STK32B: variants seen among roughly 807,000 people sequenced by gnomAD.
STK32B encodes the protein serine/threonine-protein kinase 32B.
Under a neutral mutation model 52.6 loss-of-function variants are expected in STK32B, and 43 were observed. The observed-to-expected ratio is 0.82, with a 90% CI of 0.64 to 1.05. The LOEUF (loss-of-function observed/expected upper bound fraction) is 1.05. STK32B is among the 50% of genes least tolerant of loss of function. The pLI is 0.00. For missense variants in STK32B, 621 were observed against 534.6 expected, an observed-to-expected ratio of 1.16 and a Z score of -1.59; for synonymous variants, 238 against 204.3, an observed-to-expected ratio of 1.17 and a Z score of -1.41.
intron 5 of STK32B, among the ~76,000 whole-genome samples, chr4:5,408,400 C>G (rs1311937071): frequency 1.3e-5 from 2 of 152,106 alleles, no homozygotes; most frequent in African/African-American, 4.8e-5. Flanking sequence ...ATCCATGTGA[C>G]TTGTCTGCCT....
intron 4 of STK32B, among the ~76,000 whole-genome samples, chr4:5,376,477 A>G (rs1735595515): frequency 6.6e-6 from 1 of 151,756 alleles, no homozygotes; most frequent in South Asian, 2.1e-4. Flanking sequence ...CACCTGCCAG[A>G]CAGCAGGTTG....
At chr4:5,363,878 A>T (rs146567824) in intron 4 of STK32B, among the ~76,000 whole-genome samples, 20 of 152,276 alleles carry the variant, frequency 1.3e-4, no homozygotes, top group Admixed American at 7.2e-4. Flanking sequence ...TTAGTTACCG[A>T]GAAGGAAAAC....
chr4:5,454,462 C>T (rs984453867), intron 7 of STK32B, among the ~76,000 whole-genome samples: 2 of 151,960 alleles, frequency 1.3e-5, no homozygotes, highest in Non-Finnish European at 2.9e-5. Context: ...GCCATAAAGT[C>T]CCCCTTTTAT....
intron 1 of STK32B, among the ~76,000 whole-genome samples, chr4:5,090,540 T>A (rs1357904406): frequency 7.9e-5 from 12 of 152,090 alleles, no homozygotes; most frequent in Admixed American, 7.9e-4. Flanking sequence ...ATTTTTTGTA[T>A]TTTTAGTAGA....
chr4:5,161,746 C>G (rs930626), intron 2 of STK32B, among the ~76,000 whole-genome samples: 126,618 of 151,962 alleles, frequency 0.83, 52,971 homozygotes, highest in African/African-American at 0.9. Flanking sequence ...ATCCGCCAAA[C>G]ATAGTCTTCT....
chr4:5,250,479 A>G (rs1172439885), intron 3 of STK32B, among the ~76,000 whole-genome samples: 1 of 151,880 alleles, frequency 6.6e-6, no homozygotes, highest in Non-Finnish European at 1.5e-5. Context: ...CGCTTGGCTA[A>G]TTTTTGTAGT....
chr4:5,158,886 G>A (rs1048888677), intron 2 of STK32B, among the ~76,000 whole-genome samples: 2 of 152,074 alleles, frequency 1.3e-5, no homozygotes, highest in Non-Finnish European at 1.5e-5. Flanking sequence ...AAATACAGTC[G>A]CATCCTGAGG....
At chr4:5,043,745 A>T in the STK32B span, among the ~76,000 whole-genome samples, 1 of 152,210 alleles carries the variant, frequency 6.6e-6, no homozygotes, top group Non-Finnish European at 1.5e-5. Context: ...GTCGGTGCAC[A>T]CGGCATTTCT....
In STK32B at chr4:5,195,895, C is replaced by T. The variant is rs552208474; in HGVS notation, c.260+27445C>T. On this transcript the variant is annotated intron_variant, in intron 3 of 11. Transcript: ENST00000282908. ...ACTGGATTCTTAAAAGTTGTTATGA[C>T]CAGTGTAAGTAAAAAACAATCTTCA... 3.9e-5 allele frequency among the ~76,000 whole-genome samples: 6 copies of T among 152,286 alleles called. No homozygotes were observed. The South Asian group carries it at 1.2e-3, about 32-fold the overall frequency.
At chr4:5,326,062 T>C (rs1731854263) in intron 3 of STK32B, among the ~76,000 whole-genome samples, 1 of 152,224 alleles carries the variant, frequency 6.6e-6, no homozygotes, top group South Asian at 2.1e-4. Context: ...TTGATTTTCC[T>C]CTTTAGAATT....
chr4:5,158,945 A>T (rs1161736322), intron 2 of STK32B, among the ~76,000 whole-genome samples: 4 of 152,216 alleles, frequency 2.6e-5, no homozygotes, highest in African/African-American at 7.2e-5. Flanking sequence ...CATACAGCTT[A>T]GCCCATGGCA....
At chr4:5,461,832 C>A (rs756126243) in intron 9 of STK32B, among the ~76,000 whole-genome samples, 6 of 152,218 alleles carry the variant, frequency 3.9e-5, no homozygotes, top group Non-Finnish European at 7.3e-5. Flanking sequence ...ACCTGCCTAA[C>A]CTTAGGGAAT....
intron 3 of STK32B, among the ~76,000 whole-genome samples, chr4:5,207,488 C>A (rs1722645246): frequency 6.6e-6 from 1 of 152,090 alleles, no homozygotes; most frequent in Non-Finnish European, 1.5e-5. Context: ...GATTGTGAGG[C>A]CTCTCCAGCC....
At chr4:5,165,585 G>A (rs1346155020) in intron 2 of STK32B, among the ~76,000 whole-genome samples, 2 of 152,126 alleles carry the variant, frequency 1.3e-5, no homozygotes, top group Non-Finnish European at 2.9e-5. Flanking sequence ...CTGAGAAGGC[G>A]AATGAGAAGT....
chr4:5,179,889 G>A (rs915818027), intron 3 of STK32B, among the ~76,000 whole-genome samples: 10 of 152,206 alleles, frequency 6.6e-5, no homozygotes, highest in East Asian at 1.9e-4. Flanking sequence ...GCCCTGGCGG[G>A]TCCCATTTCT....
the STK32B span, among the ~76,000 whole-genome samples, chr4:5,043,124 A>C: frequency 5.9e-5 from 9 of 151,634 alleles, no homozygotes; most frequent in East Asian, 3.9e-4. Context: ...AAAAAAAAAA[A>C]AAAAAAAAAA....
chr4:5,456,804 C>A lies in STK32B; in HGVS notation c.667-3C>A. ...GATTCTGGCTGTTGTTCTTTGATTG[C>A]AGAGGCCGTACGAAATCCACTCGGT... On this transcript the variant is annotated splice_region_variant and splice_polypyrimidine_tract_variant and intron_variant, in intron 7 of 11. Transcript: ENST00000282908. 1 of 1,566,448 alleles carries A rather than the reference C, an allele frequency of 6.4e-7. No homozygotes were observed. Among genetic ancestry groups the A allele is most frequent in the East Asian group, 2.3e-5 (1 of 42,996 alleles).
chr4:5,414,952 T>C (rs1224097754), intron 5 of STK32B, among the ~76,000 whole-genome samples: 1 of 152,256 alleles, frequency 6.6e-6, no homozygotes, highest in Non-Finnish European at 1.5e-5. Context: ...GAAGGCTTCA[T>C]AGTCCTCTTC....
At chr4:5,489,516 A>G (rs1208471078) in intron 11 of STK32B, among the ~76,000 whole-genome samples, 1 of 152,232 alleles carries the variant, frequency 6.6e-6, no homozygotes, top group Non-Finnish European at 1.5e-5. Context: ...AAAGCAAAAT[A>G]TAAAACTGTC....
Sources: allele counts gnomAD v4.1 joint callset (sites outside exome capture counted in the v4.1 genomes callset), GRCh38; gene constraint gnomAD v4.1.1; transcripts MANE v1.5; gene names NCBI Gene and HGNC (gene_info 2026-07-23, HGNC 2026-07-21).